Variants in NARS1 observed in about 807,000 individuals in gnomAD.
NARS1 encodes asparagine--tRNA ligase, cytoplasmic.
Under a neutral mutation model 79.2 loss-of-function variants are expected in NARS1, and 65 were observed. The ratio of observed to expected loss-of-function variants is 0.82; its 90% CI spans 0.67 to 1.01. The LOEUF (loss-of-function observed/expected upper bound fraction) is 1.01, where lower values mean the gene tolerates loss of function less well. Ranked by LOEUF, NARS1 falls within the 50% of genes least tolerant of loss-of-function variation. The probability of loss-of-function intolerance (pLI) is 0.00; values close to 1 mark genes in which losing one functional copy is unlikely to be tolerated. For synonymous variants in NARS1, 229 were observed against 238.8 expected, an observed-to-expected ratio of 0.96 and a Z score of 0.38; for missense variants, 649 against 673.8, an observed-to-expected ratio of 0.96 and a Z score of 0.41.
At position 57,613,537 on chromosome 18, in the gene NARS1, G is replaced by A. The variant is rs2051622927; in HGVS notation, c.421+65C>T. ...AAAAAACCCCTGCAAATCTTTGTAT[G>A]TTTTTCTTCATCTAAGAGCAGGGAT... is the stretch of plus-strand genomic sequence containing the variant. On this transcript the variant is annotated intron_variant, in intron 5 of 13. Transcript: ENST00000256854. 24 of 1,380,904 alleles carry A rather than the reference G, an allele frequency of 1.7e-5. No individual in the cohort carries two copies. The South Asian group carries it at 2.9e-4, about 17-fold the overall frequency. 85.5% of individuals were successfully genotyped at this position (1,380,904 alleles called of 1,614,324 possible).
rs2051498516 is a variant in NARS1 at position 57,600,908 on chromosome 18, C to T, written c.*744G>A. The T allele has an allele frequency of 6.6e-6, 1 of 152,128 alleles. No homozygotes were observed. The highest frequency in any genetic ancestry group is 2.4e-5 in the African/African-American group (1 of 41,426). 9.4% of individuals were successfully genotyped at this position (152,128 alleles called of 1,614,324 possible). On this transcript the variant is annotated 3_prime_UTR_variant, in exon 14 of 14. Transcript: ENST00000256854. ...TTTATTCTTAATTACTTAGGAATTA[C>T]CAGGAAAGAGGGAAAATCAATCTGC...
intron 2 of NARS1, among the ~76,000 whole-genome samples, chr18:57,620,190 T>C (rs926881692): frequency 6.6e-6 from 1 of 152,154 alleles, no homozygotes; most frequent in Non-Finnish European, 1.5e-5. Flanking sequence ...AGGATCACAC[T>C]CTGGATTGTG....
rs1036921800 is a variant in NARS1, at chr18:57,608,082, G to T, written c.580-417C>A. On this transcript the variant is annotated intron_variant, in intron 7 of 13. Coordinates refer to ENST00000256854, the MANE Select transcript of NARS1 (RefSeq NM_004539.4). ...GGGGTTTCACCATGTTGGCAAAACT[G>T]GTCTCGATCTCCTGACCTCGTGATC... Among the ~76,000 whole-genome samples the T allele has an allele frequency of 9.3e-5, 14 of 150,684 alleles. 1 individual carries two copies. The highest frequency in any genetic ancestry group is 9.3e-4 in the Admixed American group (14 of 15,130).
intron 12 of NARS1, 53 bp downstream of exon 12, chr18:57,602,759 C>T: frequency 6.3e-7 from 1 of 1,575,534 alleles, no homozygotes; most frequent in Non-Finnish European, 8.7e-7. Flanking sequence ...AGATGACAGT[C>T]CCCACCCCCT....
chr18:57,611,279 T>TA (rs2051602757), intron 6 of NARS1, among the ~76,000 whole-genome samples: 1 of 152,084 alleles, frequency 6.6e-6, no homozygotes, highest in Non-Finnish European at 1.5e-5. Flanking sequence ...TTATTTTTCT[T>TA]AGAGATGCAT....
In NARS1 at chr18:57,607,666, C is replaced by T; in HGVS notation, c.580-1G>A. 6.2e-7 allele frequency: 1 copy of T among 1,603,368 alleles called. No homozygotes were observed. Among genetic ancestry groups the T allele is most frequent in the Non-Finnish European group, 8.5e-7 (1 of 1,172,758 alleles). ...AACTCAGCTCATGGCCACCTGGAGC[C>T]TGCATTTTTTAAAAGTGGGGTCCAG... On this transcript the variant is annotated splice_acceptor_variant, in intron 7 of 13. Coordinates refer to ENST00000256854, the MANE Select transcript of NARS1 (RefSeq NM_004539.4). LOFTEE classifies it high-confidence loss of function.
chr18:57,617,712 C>T (rs549413872), intron 2 of NARS1, among the ~76,000 whole-genome samples: 5 of 150,670 alleles, frequency 3.3e-5, no homozygotes, highest in African/African-American at 4.9e-5. Flanking sequence ...GTCAGGAGTT[C>T]GAGACCAGCC....
At position 57,600,894 on chromosome 18, in the gene NARS1, T is replaced by C. The variant is rs1043566158; in HGVS notation, c.*758A>G. On this transcript the variant is annotated 3_prime_UTR_variant, in exon 14 of 14. Coordinates refer to ENST00000256854, the MANE Select transcript of NARS1 (RefSeq NM_004539.4). ...TCTTTTGGAACTTATTTATTCTTAA[T>C]TACTTAGGAATTACCAGGAAAGAGG... 2.0e-5 allele frequency: 3 copies of C among 152,212 alleles called. No individual in the cohort carries two copies. Among genetic ancestry groups the C allele is most frequent in the African/African-American group, 7.2e-5 (3 of 41,446 alleles). The allele number at this position is 152,212 out of a possible 1,614,324, so 9.4% of individuals were successfully genotyped here. A position where few individuals can be genotyped will look rare whatever the true frequency, so the allele number is the denominator to read the frequency against.
rs149651366 is a variant in NARS1 at position 57,607,225 on chromosome 18, A to T, written c.910T>A (p.Leu304Met). 1.2e-6 allele frequency: 2 copies of T among 1,614,068 alleles called. No individual in the cohort carries two copies. The highest frequency in any genetic ancestry group is 2.7e-5 in the African/African-American group (2 of 74,922). The stretch of plus-strand genomic sequence containing the variant: ...CCCAGGGCTGGGAGGCAGGTCTCCA[A>T]GTACAACTGAGAGGATTGAGTCAAA... ...AFLTQSSQLY[L>M]ETCLPALGDV... Residue 304 changes from leucine (L) to methionine (M), a missense_variant, in exon 9 of 14, where the codon TTG becomes ATG. Transcript: ENST00000256854.
At chr18:57,617,126 T>C (rs1230929944) in intron 2 of NARS1, among the ~76,000 whole-genome samples, 1 of 152,156 alleles carries the variant, frequency 6.6e-6, no homozygotes. Context: ...TCAAAGTACA[T>C]AAAAGATGAA....
intron 4 of NARS1, among the ~76,000 whole-genome samples, chr18:57,614,023 G>T (rs188727996): frequency 6.6e-6 from 1 of 152,286 alleles, no homozygotes; most frequent in East Asian, 1.9e-4. Flanking sequence ...CAGTCCACAT[G>T]AAGCCTTTTC....
In NARS1 at chr18:57,616,090, C is replaced by T. The variant is rs191234513; in HGVS notation, c.94-115G>A. 247 of 947,310 alleles carry T rather than the reference C, an allele frequency of 2.6e-4. No homozygotes were observed. The African/African-American group carries it at 3.5e-3, about 13-fold the overall frequency. 58.7% of individuals were successfully genotyped at this position (947,310 alleles called of 1,614,324 possible). ...AATCTAAGCATAAAGACCCCAACAG[C>T]CAAAAGCTGATATTGGCACAGTGAC... On this transcript the variant is annotated intron_variant, in intron 2 of 13. Coordinates refer to ENST00000256854, the MANE Select transcript of NARS1 (RefSeq NM_004539.4).
chr18:57,606,344 C>CA (rs60351640), intron 10 of NARS1, among the ~76,000 whole-genome samples: 6 of 10,006 alleles, frequency 6.0e-4, no homozygotes, highest in African/African-American at 1.4e-3. Context: ...GACTCTGTCT[C>CA]AAAAAAAAAA....
chr18:57,621,335 C>G (rs1243367859), intron 1 of NARS1, among the ~76,000 whole-genome samples: 1 of 151,014 alleles, frequency 6.6e-6, no homozygotes, highest in African/African-American at 2.4e-5. Flanking sequence ...AGAAAAACAA[C>G]TAGAATCCTA....
intron 2 of NARS1, 132 bp downstream of exon 2, chr18:57,620,437 C>T (rs1354331678): frequency 5.9e-5 from 37 of 627,878 alleles, no homozygotes; most frequent in Non-Finnish European, 1.0e-4. Context: ...TGTATGCATT[C>T]CTTACTTTCC....
chr18:57,606,005 TAC>T, intron 10 of NARS1, 35 bp from the exon 11 acceptor site: 3 of 1,280,772 alleles, frequency 2.3e-6, no homozygotes, highest in East Asian at 2.5e-5. Flanking sequence ...TGTGTATATA[TAC>T]ATAAATATAA....
chr18:57,616,781 T>C (rs1041878454), intron 2 of NARS1, among the ~76,000 whole-genome samples: 1 of 151,366 alleles, frequency 6.6e-6, no homozygotes, highest in African/African-American at 2.4e-5. Flanking sequence ...GGAGGGAGGA[T>C]CACCAGGTCA....
At chr18:57,619,967 C>T (rs1908233633) in intron 2 of NARS1, among the ~76,000 whole-genome samples, 1 of 152,178 alleles carries the variant, frequency 6.6e-6, no homozygotes, top group Non-Finnish European at 1.5e-5. Context: ...AGATTATAGG[C>T]GTGAGCCACC....
At chr18:57,611,045 C>T (rs957298848) in intron 6 of NARS1, among the ~76,000 whole-genome samples, 8 of 149,994 alleles carry the variant, frequency 5.3e-5, no homozygotes, top group African/African-American at 2.0e-4. Context: ...TGGCTCACTG[C>T]AACCTCTGCC....
Sources: allele counts gnomAD v4.1 joint callset (sites outside exome capture counted in the v4.1 genomes callset), GRCh38; gene constraint gnomAD v4.1.1; transcripts MANE v1.5; gene names NCBI Gene and HGNC (gene_info 2026-07-23, HGNC 2026-07-21).